NRG3: variants seen among roughly 807,000 people sequenced by gnomAD.
The protein encoded by NRG3 is neuregulin 3, also known as pro-neuregulin-3, membrane-bound isoform.
In NRG3, 31 loss-of-function variants were observed where a neutral mutation model predicts 66.9. The ratio of observed to expected loss-of-function variants is 0.46; its 90% CI spans 0.35 to 0.63. NRG3 has a LOEUF of 0.63. Ranked by LOEUF, NRG3 falls within the 20% of genes least tolerant of loss-of-function variation. The pLI, the probability that NRG3 is intolerant of heterozygous loss-of-function variation, is 0.00. For missense variants in NRG3, 910 were observed against 878.9 expected (o/e 1.04, Z -0.45); for synonymous variants, 393 against 359.4 (o/e 1.09, Z -1.06).
At chr10:82,062,512 A>T (rs2064213540) in intron 1 of NRG3, among the ~76,000 whole-genome samples, 1 of 152,030 alleles carries the variant, frequency 6.6e-6, no homozygotes, top group African/African-American at 2.4e-5. Context: ...AGGCTGAGGC[A>T]GGAGAATTGC....
Position 82,427,458 on chromosome 10 carries a change from T to G in NRG3, c.953+68590T>G, listed in dbSNP as rs570587004. 1.4e-4 allele frequency among the ~76,000 whole-genome samples: 21 copies of G among 152,280 alleles called. No homozygotes were observed. In the South Asian group the frequency reaches 4.4e-3, roughly 32 times the overall value. ...ATTATAAGTTATTTATATTTGTCCT[T>G]TAGTCTATTGATATGATGTATTACA... On this transcript the variant is annotated intron_variant, in intron 2 of 8. Coordinates refer to ENST00000372141, the MANE Select transcript of NRG3 (RefSeq NM_001010848.4).
intron 1 of NRG3, among the ~76,000 whole-genome samples, chr10:82,169,175 T>A (rs1381973154): frequency 1.3e-5 from 2 of 152,278 alleles, no homozygotes; most frequent in Non-Finnish European, 2.9e-5. Context: ...CATATTGGTA[T>A]CTTTATGCAC....
chr10:82,116,803 T>G (rs2067750697), intron 1 of NRG3, among the ~76,000 whole-genome samples: 1 of 152,158 alleles, frequency 6.6e-6, no homozygotes, highest in Admixed American at 6.6e-5. Context: ...CTCATCTTCC[T>G]GCCCGATTTA....
chr10:82,975,316 T>C (rs1401730599), intron 7 of NRG3, among the ~76,000 whole-genome samples: 2 of 152,210 alleles, frequency 1.3e-5, no homozygotes, highest in East Asian at 3.8e-4. Flanking sequence ...TATAATATCA[T>C]TCTAGTATTA....
At chr10:81,964,395 CAAAAAAAAAAAA>C (rs58231167) in intron 1 of NRG3, among the ~76,000 whole-genome samples, 28 of 65,850 alleles carry the variant, frequency 4.3e-4, no homozygotes, top group Non-Finnish European at 7.5e-4. Context: ...GACTCTGTCT[CAAAAAAAAAAAA>C]AAAAAAAAAA....
At chr10:82,392,893 TATA>T (rs1289695740) in intron 2 of NRG3, among the ~76,000 whole-genome samples, 1 of 108,604 alleles carries the variant, frequency 9.2e-6, no homozygotes, top group African/African-American at 6.1e-5. Flanking sequence ...TATATATATA[TATA>T]TATTTTTTGC....
At chr10:82,098,891 G>A (rs1346874427) in intron 1 of NRG3, among the ~76,000 whole-genome samples, 1 of 152,130 alleles carries the variant, frequency 6.6e-6, no homozygotes, top group Non-Finnish European at 1.5e-5. Flanking sequence ...AGCCTCCCGA[G>A]TAGCTGGGAC....
chr10:82,637,862 G>A (rs990101045), intron 2 of NRG3, among the ~76,000 whole-genome samples: 1 of 152,076 alleles, frequency 6.6e-6, no homozygotes, highest in South Asian at 2.1e-4. Flanking sequence ...CAGAGCATTC[G>A]ATGATAGCAA....
intron 1 of NRG3, among the ~76,000 whole-genome samples, chr10:82,274,450 A>C (rs1161474746): frequency 6.6e-6 from 1 of 151,982 alleles, no homozygotes; most frequent in Non-Finnish European, 1.5e-5. Flanking sequence ...TTCTTCTTAA[A>C]ATTTTCACAG....
intron 1 of NRG3, among the ~76,000 whole-genome samples, chr10:82,325,610 C>T (rs530884284): frequency 2.1e-5 from 3 of 145,494 alleles, no homozygotes; most frequent in South Asian, 2.1e-4. Context: ...AATATGATAA[C>T]GTTTCCTTTT....
Position 82,406,201 on chromosome 10 carries a change from T to C in NRG3, c.953+47333T>C, listed in dbSNP as rs188490656. 8.7e-4 allele frequency among the ~76,000 whole-genome samples: 133 copies of C among 152,340 alleles called. 1 individual carries two copies. The highest frequency in any genetic ancestry group is 3.0e-3 in the African/African-American group (126 of 41,586). On this transcript the variant is annotated intron_variant, in intron 2 of 8. Transcript: ENST00000372141. ...ATAGCAATTATATTGCTGATTCACA[T>C]ATGAAAGTATTAGGAGACTTGGGAT...
chr10:81,906,709 G>C (rs1432672759), intron 1 of NRG3, among the ~76,000 whole-genome samples: 1 of 152,228 alleles, frequency 6.6e-6, no homozygotes, highest in East Asian at 1.9e-4. Context: ...AGAAACTGCT[G>C]AGCAGGAGTG....
At chr10:82,892,113 G>A (rs932840401) in intron 4 of NRG3, among the ~76,000 whole-genome samples, 1 of 152,032 alleles carries the variant, frequency 6.6e-6, no homozygotes, top group Admixed American at 6.6e-5. Flanking sequence ...ACTTGGTTGG[G>A]ATATATTATA....
chr10:82,654,893 T>C (rs1591039569), intron 2 of NRG3, among the ~76,000 whole-genome samples: 1 of 152,136 alleles, frequency 6.6e-6, no homozygotes, highest in African/African-American at 2.4e-5. Flanking sequence ...TAAAGTGTTA[T>C]ACGTATCTCC....
chr10:81,940,418 T>C (rs537050159), intron 1 of NRG3, among the ~76,000 whole-genome samples: 45 of 152,236 alleles, frequency 3.0e-4, no homozygotes, highest in African/African-American at 1.1e-3. Context: ...TAATCATAGC[T>C]CAATGCAGCC....
At chr10:82,795,059 A>C (rs1442260838) in intron 3 of NRG3, among the ~76,000 whole-genome samples, 1 of 152,234 alleles carries the variant, frequency 6.6e-6, no homozygotes, top group African/African-American at 2.4e-5. Context: ...AAAAATACAG[A>C]AGTAAAATGA....
At chr10:81,944,707 C>A (rs1314314409) in intron 1 of NRG3, among the ~76,000 whole-genome samples, 1 of 152,222 alleles carries the variant, frequency 6.6e-6, no homozygotes, top group South Asian at 2.1e-4. Flanking sequence ...CAAGGCTGAT[C>A]TTCCGTGAGT....
At chr10:82,260,953 C>A (rs1279293596) in intron 1 of NRG3, among the ~76,000 whole-genome samples, 5 of 152,074 alleles carry the variant, frequency 3.3e-5, no homozygotes, top group Admixed American at 3.3e-4. Context: ...TGAGTGGGGC[C>A]TGGTGGGAGG....
intron 1 of NRG3, among the ~76,000 whole-genome samples, chr10:82,154,551 GT>G (rs556126416): frequency 4.9e-4 from 72 of 145,544 alleles, no homozygotes; most frequent in East Asian, 1.2e-3. Context: ...GCTATTTGGG[GT>G]TTTTTTTTTG....
Sources: allele counts gnomAD v4.1 joint callset (sites outside exome capture counted in the v4.1 genomes callset), GRCh38; gene constraint gnomAD v4.1.1; transcripts MANE v1.5; gene names NCBI Gene and HGNC (gene_info 2026-07-23, HGNC 2026-07-21).